The following BANK1 variants were observed in gnomAD, a reference collection of about 807,000 sequenced individuals.
BANK1 encodes the protein B-cell scaffold protein with ankyrin repeats.
Under a neutral mutation model 94.5 loss-of-function variants are expected in BANK1, and 95 were observed. The ratio of observed to expected loss-of-function variants is 1.00; its 90% CI spans 0.85 to 1.19. The LOEUF is 1.19. BANK1 is among the 50% of genes most tolerant of loss of function. The pLI, the probability that BANK1 is intolerant of heterozygous loss-of-function variation, is 0.00. For synonymous variants in BANK1, 334 were observed against 308.4 expected, an observed-to-expected ratio of 1.08 and a Z score of -0.87; for missense variants, 987 against 932.2, an observed-to-expected ratio of 1.06 and a Z score of -0.77.
chr4:101,909,293 C>CA (rs1297630811), intron 6 of BANK1, among the ~76,000 whole-genome samples: 1 of 151,924 alleles, frequency 6.6e-6, no homozygotes, highest in African/African-American at 2.4e-5. Flanking sequence ...ATCACAAGGG[C>CA]AAAAAACCAA....
intron 1 of BANK1, among the ~76,000 whole-genome samples, chr4:101,808,674 C>A (rs1023350904): frequency 1.3e-5 from 2 of 151,538 alleles, no homozygotes; most frequent in Non-Finnish European, 2.9e-5. Flanking sequence ...AAAAAAATCC[C>A]ATCAAAAAGG....
Position 101,845,019 on chromosome 4 carries a change from T to A in BANK1, c.470-10016T>A, listed in dbSNP as rs929999263. On this transcript the variant is annotated intron_variant, in intron 2 of 16. Coordinates refer to ENST00000322953, the MANE Select transcript of BANK1 (RefSeq NM_017935.5). ...AATTTTTTAAGCTGAGGATCGGATA[T>A]ACTTATATATAATATTTCTGAGAAA... Among the ~76,000 whole-genome samples the A allele has an allele frequency of 2.6e-5, 4 of 152,246 alleles. No homozygotes were observed. In the East Asian group the frequency reaches 7.7e-4, roughly 29 times the overall value.
In BANK1 at chr4:102,030,022, G is replaced by A. The variant is rs754765481; in HGVS notation, c.1657G>A (p.Glu553Lys). Residue 553 changes from glutamate (E) to lysine (K), a missense_variant, in exon 10 of 17, where the codon GAA becomes AAA. By Grantham distance (56) the Glu-to-Lys change is moderately conservative (BLOSUM62 1). Transcript: ENST00000322953. ...CTGGGGTCATCCTGGTGTTAGACAA[G>A]AAACAGGAGATGAACCCAAAGGAGA... The part of the protein sequence containing the change: ...QNWGHPGVRQ[E>K]TGDEPKGEKE... 2.6e-5 allele frequency: 42 copies of A among 1,613,604 alleles called. 1 individual carries two copies. The South Asian group carries it at 3.8e-4, about 15-fold the overall frequency.
At chr4:101,808,944 C>T (rs1450204532) in intron 1 of BANK1, among the ~76,000 whole-genome samples, 1 of 152,100 alleles carries the variant, frequency 6.6e-6, no homozygotes, top group Non-Finnish European at 1.5e-5. Flanking sequence ...TATGGAGAGT[C>T]CTTAAAGAAC....
chr4:101,950,063 G>GCA (rs1724093400), intron 7 of BANK1, among the ~76,000 whole-genome samples: 1 of 124,926 alleles, frequency 8.0e-6, no homozygotes, highest in South Asian at 2.2e-4. Context: ...GTGTGTGTGC[G>GCA]CGTGCGCGCG....
chr4:101,874,911 C>T (rs1291396130), intron 5 of BANK1, among the ~76,000 whole-genome samples: 1 of 152,052 alleles, frequency 6.6e-6, no homozygotes, highest in African/African-American at 2.4e-5. Flanking sequence ...TTGCTTTTTA[C>T]AGTGCTAATT....
chr4:101,812,259 A>G (rs1560583738), intron 1 of BANK1, among the ~76,000 whole-genome samples: 2 of 151,908 alleles, frequency 1.3e-5, no homozygotes, highest in Admixed American at 6.6e-5. Context: ...ATCTTTAATT[A>G]TATATATTTT....
At chr4:101,976,610 C>A (rs886463813) in intron 7 of BANK1, among the ~76,000 whole-genome samples, 1 of 152,024 alleles carries the variant, frequency 6.6e-6, no homozygotes, top group Non-Finnish European at 1.5e-5. Flanking sequence ...CCTTCACATG[C>A]CAGATAAACA....
intron 4 of BANK1, among the ~76,000 whole-genome samples, chr4:101,867,921 CA>C: frequency 6.6e-6 from 1 of 151,766 alleles, no homozygotes; most frequent in Non-Finnish European, 1.5e-5. Context: ...ATAAAAATTA[CA>C]AGTATGAGAG....
intron 1 of BANK1, among the ~76,000 whole-genome samples, chr4:101,813,340 CAAAG>C (rs1235879217): frequency 1.3e-5 from 2 of 151,872 alleles, no homozygotes; most frequent in East Asian, 1.9e-4. Context: ...TTATTTTCCT[CAAAG>C]AAAAAATCCT....
At chr4:101,945,490 T>A (rs578178191) in intron 7 of BANK1, among the ~76,000 whole-genome samples, 1 of 152,110 alleles carries the variant, frequency 6.6e-6, no homozygotes, top group East Asian at 1.9e-4. Flanking sequence ...ACATCTTTTC[T>A]TAAATAATAT....
At chr4:101,834,679 A>G (rs1039427094) in intron 2 of BANK1, among the ~76,000 whole-genome samples, 4 of 152,190 alleles carry the variant, frequency 2.6e-5, no homozygotes, top group Non-Finnish European at 4.4e-5. Flanking sequence ...AGAATGTGGA[A>G]TTCAGATTTT....
chr4:101,874,222 T>C (rs1316824042), intron 5 of BANK1, among the ~76,000 whole-genome samples: 3 of 152,202 alleles, frequency 2.0e-5, no homozygotes, highest in Non-Finnish European at 4.4e-5. Flanking sequence ...CTGCAAATAT[T>C]TGATACAATG....
chr4:101,924,904 T>G (rs1723105859), intron 7 of BANK1, among the ~76,000 whole-genome samples: 1 of 151,774 alleles, frequency 6.6e-6, no homozygotes, highest in African/African-American at 2.4e-5. Flanking sequence ...ACATTTGTTA[T>G]CCTTTTTATT....
rs748669798 is a variant in BANK1 at position 101,928,243 on chromosome 4, C to A, written c.1206+10054C>A. 3.3e-5 allele frequency among the ~76,000 whole-genome samples: 5 copies of A among 151,516 alleles called. 1 individual carries two copies. The highest frequency in any genetic ancestry group is 4.8e-5 in the African/African-American group (2 of 41,314). ...TATTTTGCTCTAATTTAGTTTGTCC[C>A]AAATACGTCTTATTAGCTGTTTGTG... On this transcript the variant is annotated intron_variant, in intron 7 of 16. Coordinates refer to ENST00000322953, the MANE Select transcript of BANK1 (RefSeq NM_017935.5).
At chr4:101,894,246 T>A (rs891961602) in intron 5 of BANK1, among the ~76,000 whole-genome samples, 1 of 152,064 alleles carries the variant, frequency 6.6e-6, no homozygotes, top group Non-Finnish European at 1.5e-5. Flanking sequence ...TAAAAAAATG[T>A]AATCCAGAGC....
intron 4 of BANK1, among the ~76,000 whole-genome samples, chr4:101,866,521 A>T (rs530743061): frequency 6.6e-6 from 1 of 152,264 alleles, no homozygotes; most frequent in Admixed American, 6.5e-5. Context: ...AATATAAAAT[A>T]TTGACACCTA....
At chr4:102,048,737 A>G (rs779064468) in intron 11 of BANK1, among the ~76,000 whole-genome samples, 24 of 152,210 alleles carry the variant, frequency 1.6e-4, no homozygotes, top group Non-Finnish European at 3.2e-4. Context: ...CATTGAAAGT[A>G]TAAGCATTTC....
intron 6 of BANK1, among the ~76,000 whole-genome samples, chr4:101,899,008 C>A (rs1348837118): frequency 6.6e-6 from 1 of 151,742 alleles, no homozygotes; most frequent in Non-Finnish European, 1.5e-5. Context: ...AAGATAAAAT[C>A]AACACTGAGG....
Sources: gnomAD v4.1 joint callset for allele counts (sites outside exome capture counted in the v4.1 genomes callset) on GRCh38, gnomAD v4.1.1 for gene constraint, MANE v1.5 for transcripts, NCBI Gene and HGNC (gene_info 2026-07-23, HGNC 2026-07-21) for gene names.